SLC17A1: variants seen among roughly 807,000 people sequenced by gnomAD.
The protein encoded by SLC17A1 is solute carrier family 17 member 1, also known as sodium-dependent phosphate transport protein 1.
Under a neutral mutation model 53.5 loss-of-function variants are expected in SLC17A1, and 51 were observed. That is an observed-to-expected ratio of 0.95 (90% CI 0.76 to 1.20). SLC17A1 has a LOEUF of 1.20. Ranked by LOEUF, SLC17A1 falls within the 50% of genes most tolerant of loss-of-function variation. The pLI is 0.00. For synonymous variants in SLC17A1, 179 were observed against 198.8 expected, an observed-to-expected ratio of 0.90 and a Z score of 0.84; for missense variants, 538 against 568.2, an observed-to-expected ratio of 0.95 and a Z score of 0.54.
the SLC17A1 span, among the ~76,000 whole-genome samples, chr6:25,731,609 CAA>C: frequency 6.6e-6 from 1 of 152,148 alleles, no homozygotes; most frequent in Non-Finnish European, 1.5e-5. Context: ...TTGATTAATG[CAA>C]AGTTTAGACT....
At chr6:25,830,380 A>T in intron 2 of SLC17A1, 144 bp downstream of exon 2, 1 of 614,612 alleles carries the variant, frequency 1.6e-6, no homozygotes, top group Non-Finnish European at 3.0e-6. Context: ...GGAAAACCAT[A>T]GTAGGACTGG....
chr6:25,781,219 G>C (rs999378263), downstream of SLC17A1: 2 of 79,886 alleles, frequency 2.5e-5, no homozygotes, highest in Non-Finnish European at 5.5e-5. Flanking sequence ...GAGAGAGAGA[G>C]AGAGAGAAAG....
the SLC17A1 span, chr6:25,771,034 C>T: frequency 1.9e-5 from 30 of 1,589,040 alleles, no homozygotes; most frequent in Non-Finnish European, 2.2e-5. Flanking sequence ...TTTCAAATCT[C>T]CAATTTTTAT....
At chr6:25,726,347 C>CT in the SLC17A1 span, 1 of 1,614,160 alleles carries the variant, frequency 6.2e-7, no homozygotes, top group South Asian at 1.1e-5. Flanking sequence ...AGGATTTCTG[C>CT]TGTGAGATAC....
At position 25,812,972 on chromosome 6, in the gene SLC17A1, A is replaced by C. The variant is rs1417821007; in HGVS notation, c.756T>G (p.Ser252=). 6.2e-7 allele frequency: 1 copy of C among 1,614,054 alleles called. No homozygotes were observed. The highest frequency in any genetic ancestry group is 1.3e-5 in the African/African-American group (1 of 75,052). The stretch of plus-strand genomic sequence containing the variant: ...ACTTAAGTATAGCCTTGATAGGCAG[A>C]GATTGTCTACTTGAACTGACCTGGA... ...LVQQVSSSRQ[S]LPIKAILKSL... is the part of the protein sequence containing the mutation. The change falls in exon 8 of 13, where the codon TCT becomes TCG. Residue 252 remains serine (S), a synonymous_variant. Coordinates refer to ENST00000244527, the MANE Select transcript of SLC17A1 (RefSeq NM_005074.5).
intron 12 of SLC17A1, among the ~76,000 whole-genome samples, chr6:25,791,089 C>G (rs1763490732): frequency 1.3e-5 from 2 of 152,090 alleles, no homozygotes; most frequent in South Asian, 4.1e-4. Flanking sequence ...TGAGGAAAAC[C>G]TGAAGCCAAG....
the SLC17A1 span, among the ~76,000 whole-genome samples, chr6:25,735,396 G>A: frequency 2.0e-5 from 3 of 152,182 alleles, no homozygotes; most frequent in African/African-American, 4.8e-5. Flanking sequence ...GGTGAATGAG[G>A]AGCAGAGAGA....
chr6:25,732,607 T>C, the SLC17A1 span: 1 of 1,038,510 alleles, frequency 9.6e-7, no homozygotes. Context: ...CTGGAGTACC[T>C]GGCCTCCGAC....
intron 6 of SLC17A1, among the ~76,000 whole-genome samples, chr6:25,815,848 T>C (rs1221920401): frequency 6.6e-6 from 1 of 151,758 alleles, no homozygotes; most frequent in Non-Finnish European, 1.5e-5. Context: ...AGTAGATAAC[T>C]GCCCGGTAGC....
At chr6:25,770,337 G>A in the SLC17A1 span, 1 of 1,613,306 alleles carries the variant, frequency 6.2e-7, no homozygotes, top group Non-Finnish European at 8.5e-7. Context: ...TGGAATATAG[G>A]TTCCAGAATG....
intron 6 of SLC17A1, 52 bp downstream of exon 6, chr6:25,819,016 A>C: frequency 7.9e-7 from 1 of 1,264,492 alleles, no homozygotes; most frequent in Non-Finnish European, 1.1e-6. Flanking sequence ...TTTAATGTTT[A>C]AATTTTTTTA....
intron 6 of SLC17A1, 39 bp downstream of exon 6, chr6:25,819,029 T>A (rs749423237): frequency 7.2e-7 from 1 of 1,391,894 alleles, no homozygotes; most frequent in East Asian, 2.3e-5. Context: ...TTTTTTTAGA[T>A]TCTGAATAAT....
At chr6:25,784,501 C>T (rs1203316589) in intron 12 of SLC17A1, among the ~76,000 whole-genome samples, 2 of 152,136 alleles carry the variant, frequency 1.3e-5, no homozygotes, top group East Asian at 3.9e-4. Flanking sequence ...AGGTACCACA[C>T]ACTGTTATAC....
the SLC17A1 span, among the ~76,000 whole-genome samples, chr6:25,724,530 C>G: frequency 6.6e-6 from 1 of 152,150 alleles, no homozygotes; most frequent in Non-Finnish European, 1.5e-5. Context: ...TTTATTCTAT[C>G]TAAACATTTA....
chr6:25,798,625 C>T (rs151082212), intron 12 of SLC17A1, 158 bp downstream of exon 12: 2 of 548,390 alleles, frequency 3.6e-6, no homozygotes, highest in South Asian at 6.8e-5. Flanking sequence ...CAGAGTCCCA[C>T]AGCCATTTCA....
intron 10 of SLC17A1, among the ~76,000 whole-genome samples, chr6:25,801,613 G>T (rs1160683439): frequency 1.3e-5 from 2 of 152,232 alleles, no homozygotes; most frequent in Non-Finnish European, 2.9e-5. Flanking sequence ...CCAGGGCTGG[G>T]AGTCCGTTTT....
At chr6:25,742,005 G>A in the SLC17A1 span, among the ~76,000 whole-genome samples, 1 of 152,306 alleles carries the variant, frequency 6.6e-6, no homozygotes, top group South Asian at 2.1e-4. Context: ...CCACAGCTGG[G>A]TGAGGGAGCA....
At chr6:25,734,997 C>T in the SLC17A1 span, among the ~76,000 whole-genome samples, 2 of 152,218 alleles carry the variant, frequency 1.3e-5, no homozygotes, top group South Asian at 4.1e-4. Flanking sequence ...CAGAGCCACA[C>T]ACCCTTTCAG....
chr6:25,779,271 A>T, downstream of SLC17A1: 1 of 1,566,488 alleles, frequency 6.4e-7, no homozygotes, highest in South Asian at 1.2e-5. Flanking sequence ...TGCCTGCTTG[A>T]CTGATAAGCC....
Sources: allele counts gnomAD v4.1 joint callset (sites outside exome capture counted in the v4.1 genomes callset), GRCh38; gene constraint gnomAD v4.1.1; transcripts MANE v1.5; gene names NCBI Gene and HGNC (gene_info 2026-07-23, HGNC 2026-07-21).